The following WDR76 variants were observed in gnomAD, a reference collection of about 807,000 sequenced individuals.
WDR76 encodes the protein WD repeat-containing protein 76.
Under a neutral mutation model 70.2 loss-of-function variants are expected in WDR76, and 52 were observed. That is an observed-to-expected ratio of 0.74 (90% CI 0.59 to 0.93). WDR76 has a LOEUF of 0.93. Among genes scored for constraint, WDR76 ranks in the 40% least tolerant of loss-of-function variants. WDR76 has a pLI of 0.00. For missense variants in WDR76, 756 were observed against 760.2 expected (o/e 0.99, Z 0.07); for synonymous variants, 292 against 271.1 (o/e 1.08, Z -0.76).
At chr15:43,836,958 T>C (rs2087663593) in intron 4 of WDR76, among the ~76,000 whole-genome samples, 1 of 150,812 alleles carries the variant, frequency 6.6e-6, no homozygotes, top group South Asian at 2.1e-4. Context: ...GAGAATCGCT[T>C]GAACCCGGGA....
At chr15:43,844,464 A>G (rs1475421593) in intron 8 of WDR76, among the ~76,000 whole-genome samples, 1 of 151,900 alleles carries the variant, frequency 6.6e-6, no homozygotes, top group Non-Finnish European at 1.5e-5. Flanking sequence ...GTAAAAAAAT[A>G]CAAAAATTAG....
At chr15:43,844,862 A>ATGAGTTGATCT (rs1555462360) in intron 8 of WDR76, among the ~76,000 whole-genome samples, 5 of 110,018 alleles carry the variant, frequency 4.5e-5, no homozygotes, top group Non-Finnish European at 8.7e-5. Flanking sequence ...TGGGAGGGGG[A>ATGAGTTGATCT]GCTTGCAGTG....
At chr15:43,853,042 C>T (rs1348390433) in intron 9 of WDR76, among the ~76,000 whole-genome samples, 2 of 152,170 alleles carry the variant, frequency 1.3e-5, no homozygotes, top group Non-Finnish European at 2.9e-5. Flanking sequence ...GCACGTGCCA[C>T]CACACCTGGC....
intron 2 of WDR76, among the ~76,000 whole-genome samples, chr15:43,831,966 C>G (rs760631166): frequency 6.6e-6 from 1 of 151,104 alleles, no homozygotes; most frequent in Non-Finnish European, 1.5e-5. Flanking sequence ...CCAGGCTGGT[C>G]TCAAACTCCT....
intron 4 of WDR76, among the ~76,000 whole-genome samples, chr15:43,838,394 A>G (rs1408288377): frequency 5.3e-5 from 8 of 150,948 alleles, no homozygotes; most frequent in African/African-American, 2.0e-4. Flanking sequence ...CCATGTTGGC[A>G]AGGCTGGTCT....
chr15:43,845,923 T>G (rs1326824364), intron 8 of WDR76, among the ~76,000 whole-genome samples: 1 of 150,324 alleles, frequency 6.7e-6, no homozygotes, highest in Non-Finnish European at 1.5e-5. Context: ...TTTGCAAGTT[T>G]GAAGACAGAA....
At position 43,827,994 on chromosome 15, in the gene WDR76, C is replaced by T. The variant is rs770145548; in HGVS notation, c.90C>T (p.Ile30=). Residue 30 remains isoleucine (I), a synonymous_variant, in exon 2 of 13, where the codon ATC becomes ATT. Transcript: ENST00000263795. ...ATGAATATAAAGAAAATCAAAACATCGCTTATGTGTCTCTGAGACCAGCAC... is the reference window on the plus strand; with the variant it reads ...ATGAATATAAAGAAAATCAAAACATTGCTTATGTGTCTCTGAGACCAGCAC... ...KVNEYKENQN[I]AYVSLRPAQT... is the part of the protein sequence containing the mutation. 36 of 1,605,484 alleles carry T rather than the reference C, an allele frequency of 2.2e-5. No individual in the cohort carries two copies. Among genetic ancestry groups the T allele is most frequent in the South Asian group, 6.8e-5 (6 of 88,766 alleles).
At chr15:43,840,916 AATATAT>A (rs761301514) in intron 5 of WDR76, among the ~76,000 whole-genome samples, 6 of 151,442 alleles carry the variant, frequency 4.0e-5, no homozygotes, top group African/African-American at 1.5e-4. Context: ...TTAATTTAAA[AATATAT>A]ATATATATTT....
Position 43,857,159 on chromosome 15 carries a change from T to C in WDR76, c.1405T>C (p.Leu469=). ...TAGACAGTATTTTATCACTGCCGGA[T>C]TGAGGTATGGTCTTTATAAGACTTT... ...VHRQYFITAG[L]RDTHIYDARR... Residue 469 remains leucine (L), a synonymous_variant, in exon 10 of 13, where the codon TTG becomes CTG. Coordinates refer to ENST00000263795, the MANE Select transcript of WDR76 (RefSeq NM_024908.4). 1 of 1,612,734 alleles carries C rather than the reference T, an allele frequency of 6.2e-7. No homozygotes were observed. The highest frequency in any genetic ancestry group is 8.5e-7 in the Non-Finnish European group (1 of 1,179,338).
Position 43,866,445 on chromosome 15 carries a change from C to A in WDR76, c.*53C>A. 2 of 1,595,972 alleles carry A rather than the reference C, an allele frequency of 1.3e-6. No homozygotes were observed. Among genetic ancestry groups the A allele is most frequent in the Non-Finnish European group, 1.7e-6 (2 of 1,167,324 alleles). On this transcript the variant is annotated 3_prime_UTR_variant, in exon 13 of 13. Coordinates refer to ENST00000263795, the MANE Select transcript of WDR76 (RefSeq NM_024908.4). ...TCAAATTGACCACTGTCTAAGGAGC[C>A]TAGTAATCGGCGTGCCTTAGTGTGT...
chr15:43,839,901 A>T (rs575448222), intron 5 of WDR76, among the ~76,000 whole-genome samples, 173 bp downstream of exon 5: 1 of 152,252 alleles, frequency 6.6e-6, no homozygotes, highest in East Asian at 1.9e-4. Flanking sequence ...TCTGTCGCCC[A>T]GACTGGAGTG....
chr15:43,858,641 C>T (rs2087959951), intron 10 of WDR76, 30 bp from the exon 11 acceptor site: 6 of 1,608,906 alleles, frequency 3.7e-6, no homozygotes, highest in Non-Finnish European at 5.1e-6. Flanking sequence ...TGTACTATGG[C>T]AACATTGATC....
chr15:43,836,868 TA>T (rs779650391), intron 4 of WDR76, among the ~76,000 whole-genome samples: 502 of 128,990 alleles, frequency 3.9e-3, no homozygotes, highest in Middle Eastern at 3.9e-3. Flanking sequence ...CCATCGCTAC[TA>T]AAAAAAAAAA....
At chr15:43,850,476 T>C (rs2087843410) in intron 8 of WDR76, among the ~76,000 whole-genome samples, 1 of 151,980 alleles carries the variant, frequency 6.6e-6, no homozygotes, top group African/African-American at 2.4e-5. Flanking sequence ...TTTGTATTTT[T>C]AGTAGAGATG....
intron 10 of WDR76, among the ~76,000 whole-genome samples, chr15:43,857,744 A>G (rs1260407576): frequency 1.3e-5 from 2 of 148,728 alleles, no homozygotes; most frequent in Non-Finnish European, 3.0e-5. Flanking sequence ...ACTTGAACAC[A>G]GGAGGCGGAA....
At chr15:43,850,489 G>A (rs1040492472) in intron 8 of WDR76, among the ~76,000 whole-genome samples, 3 of 151,780 alleles carry the variant, frequency 2.0e-5, no homozygotes, top group African/African-American at 7.3e-5. Flanking sequence ...TAGAGATGGG[G>A]TTTCACCATG....
chr15:43,833,733 T>C (rs1333751078), intron 2 of WDR76, among the ~76,000 whole-genome samples: 1 of 151,592 alleles, frequency 6.6e-6, no homozygotes, highest in Non-Finnish European at 1.5e-5. Context: ...ATCTCCCGGG[T>C]TCAAGCAATT....
At position 43,867,286 on chromosome 15, in the gene WDR76, GAC is replaced by G. The variant is rs2088085995; in HGVS notation, c.*898_*899del. 6.6e-6 allele frequency: 1 copy of G among 152,054 alleles called. No homozygotes were observed. Among genetic ancestry groups the G allele is most frequent in the African/African-American group, 2.4e-5 (1 of 41,382 alleles). 9.4% of individuals were successfully genotyped at this position (152,054 alleles called of 1,614,324 possible). A position where few individuals can be genotyped will look rare whatever the true frequency, so the allele number is the denominator to read the frequency against. ...TGCCTTTACTCTAGATGGCTCCTGA[GAC>G]ACAGGCAGGACTCCCAAGCACCGGG... On this transcript the variant is annotated 3_prime_UTR_variant, in exon 13 of 13. Transcript: ENST00000263795.
intron 4 of WDR76, among the ~76,000 whole-genome samples, chr15:43,836,824 A>C (rs974826479): frequency 6.6e-6 from 1 of 151,640 alleles, no homozygotes; most frequent in Admixed American, 6.6e-5. Context: ...TGAGGTCGAG[A>C]GTTCAAGACT....
Sources: gnomAD v4.1 joint callset for allele counts (sites outside exome capture counted in the v4.1 genomes callset) on GRCh38, gnomAD v4.1.1 for gene constraint, MANE v1.5 for transcripts, NCBI Gene and HGNC (gene_info 2026-07-23, HGNC 2026-07-21) for gene names.